Variants in ZBED6 observed in about 807,000 individuals in gnomAD.
ZBED6 encodes zinc finger BED domain-containing protein 6.
Under a neutral mutation model 58.4 loss-of-function variants are expected in ZBED6, and 40 were observed. The ratio of observed to expected loss-of-function variants is 0.68; its 90% CI spans 0.53 to 0.89. The LOEUF (loss-of-function observed/expected upper bound fraction) is 0.89, where lower values mean the gene tolerates loss of function less well. ZBED6 is among the 40% of genes least tolerant of loss of function. The pLI is 0.00. For missense variants in ZBED6, 1,057 were observed against 1,003.9 expected (o/e 1.05, Z -0.71); for synonymous variants, 439 against 350.6 (o/e 1.25, Z -2.82).
At chr1:203,849,575 C>T in intron 13 of ZBED6, 136 bp from the exon 14 acceptor site, 1 of 830,870 alleles carries the variant, frequency 1.2e-6, no homozygotes, top group Non-Finnish European at 2.0e-6. Flanking sequence ...GTCTATTTAA[C>T]ATCAAATAAA....
intron 1 of ZBED6, among the ~76,000 whole-genome samples, chr1:203,805,348 G>GTC (rs1671964031): frequency 6.6e-6 from 1 of 151,960 alleles, no homozygotes; most frequent in Non-Finnish European, 1.5e-5. Context: ...GGCCAGGCTG[G>GTC]TCTCGAACTT....
intron 3 of ZBED6, among the ~76,000 whole-genome samples, chr1:203,824,820 C>T (rs1679957430): frequency 6.6e-6 from 1 of 152,154 alleles, no homozygotes; most frequent in African/African-American, 2.4e-5. Context: ...TGGCTCACGC[C>T]TGTAATCCCA....
At chr1:203,841,142 C>CTT (rs1303978527) in intron 11 of ZBED6, among the ~76,000 whole-genome samples, 3 of 129,804 alleles carry the variant, frequency 2.3e-5, no homozygotes, top group African/African-American at 5.8e-5. Flanking sequence ...ACATAAGAAT[C>CTT]TTTTTTTTTT....
intron 3 of ZBED6, among the ~76,000 whole-genome samples, chr1:203,820,411 TA>T (rs1678164222): frequency 6.6e-6 from 1 of 151,708 alleles, no homozygotes; most frequent in Non-Finnish European, 1.5e-5. Flanking sequence ...GGTTTGTTTG[TA>T]TTCCCCCTCA....
intron 1 of ZBED6, among the ~76,000 whole-genome samples, chr1:203,810,659 T>A (rs1245031321): frequency 6.6e-6 from 1 of 152,046 alleles, no homozygotes; most frequent in Non-Finnish European, 1.5e-5. Flanking sequence ...GACCTCGTGA[T>A]CCACCCGCCT....
chr1:203,849,948 G>A (rs1199141883), exon 14 of ZBED6: 13 of 1,614,020 alleles, frequency 8.1e-6, no homozygotes, highest in East Asian at 2.2e-5. Flanking sequence ...CCAGAAGGTG[G>A]AGGTAGAAAC....
At chr1:203,798,637 T>C (rs1330859324) in exon 1 of ZBED6, 35 of 1,536,000 alleles carry the variant, frequency 2.3e-5, no homozygotes, top group Non-Finnish European at 3.0e-5. Context: ...GATGAACCTA[T>C]GTTAGAGGTT....
intron 1 of ZBED6, among the ~76,000 whole-genome samples, chr1:203,815,598 T>C (rs550020364): frequency 1.3e-5 from 2 of 152,242 alleles, no homozygotes; most frequent in African/African-American, 4.8e-5. Context: ...TATAATACAT[T>C]CTAGAAATGG....
chr1:203,819,230 T>A (rs1159209437), intron 3 of ZBED6, among the ~76,000 whole-genome samples: 10 of 150,838 alleles, frequency 6.6e-5, no homozygotes, highest in African/African-American at 1.7e-4. Context: ...CTTTTTATTT[T>A]TTTTTTTTTG....
chr1:203,849,729 G>A, exon 14 of ZBED6: 1 of 1,613,936 alleles, frequency 6.2e-7, no homozygotes. Context: ...TGAGACCACA[G>A]GAGTTGACAT....
chr1:203,807,499 A>G (rs1672773973), intron 1 of ZBED6, among the ~76,000 whole-genome samples: 1 of 151,374 alleles, frequency 6.6e-6, no homozygotes, highest in Non-Finnish European at 1.5e-5. Context: ...TATATGTGAC[A>G]CAAAGTTTTG....
exon 17 of ZBED6, chr1:203,852,758 T>C: frequency 7.1e-6 from 2 of 280,094 alleles, no homozygotes; most frequent in Non-Finnish European, 1.4e-5. Flanking sequence ...TTTGTTGTAT[T>C]CTTTATGTAT....
At chr1:203,819,543 T>TC (rs1677737242) in intron 3 of ZBED6, among the ~76,000 whole-genome samples, 1 of 136,960 alleles carries the variant, frequency 7.3e-6, no homozygotes, top group East Asian at 2.2e-4. Context: ...TTTTTTTTTT[T>TC]TTTTTTTTGA....
intron 11 of ZBED6, among the ~76,000 whole-genome samples, chr1:203,841,298 T>C (rs1312950316): frequency 2.0e-5 from 3 of 152,132 alleles, no homozygotes; most frequent in Non-Finnish European, 2.9e-5. Flanking sequence ...CAGAGGACCC[T>C]GCGGCCTTCT....
exon 1 of ZBED6, chr1:203,796,243 A>C (rs529592692): frequency 5.1e-6 from 2 of 394,604 alleles, no homozygotes; most frequent in Non-Finnish European, 8.9e-6. Context: ...GCCTAAATCA[A>C]TCAGACTGAG....
intron 11 of ZBED6, among the ~76,000 whole-genome samples, chr1:203,846,228 C>G (rs1687882252): frequency 6.7e-6 from 1 of 148,456 alleles, no homozygotes; most frequent in Admixed American, 6.7e-5. Flanking sequence ...TCCAAATTAT[C>G]ATTTATTTCA....
At chr1:203,850,377 A>G in intron 14 of ZBED6, 138 bp from the exon 15 acceptor site, 1 of 1,337,950 alleles carries the variant, frequency 7.5e-7, no homozygotes, top group Non-Finnish European at 1.1e-6. Context: ...TTGCCTTTGA[A>G]TCGTTTTCAG....
chr1:203,852,260 C>G lies in ZBED6; in HGVS notation c.*4993C>G, dbSNP rs1295647467. ...CTCAGCTCTGCCTCAACAGGAAAGCCCCCACTCTCTGTGGAGGATGATTTT... is the reference window on the plus strand; with the variant it reads ...CTCAGCTCTGCCTCAACAGGAAAGCGCCCACTCTCTGTGGAGGATGATTTT... On this transcript the variant is annotated 3_prime_UTR_variant, in exon 17 of 17. Transcript: ENST00000550078. 7 of 1,613,532 alleles carry G rather than the reference C, an allele frequency of 4.3e-6. No individual in the cohort carries two copies. In the African/African-American group the frequency reaches 5.3e-5, roughly 12 times the overall value.
intron 11 of ZBED6, among the ~76,000 whole-genome samples, chr1:203,845,958 GA>G (rs1355065954): frequency 6.6e-6 from 1 of 151,710 alleles, no homozygotes. Context: ...CAGGAGTTTG[GA>G]AAGTGAGACA....
Sources: allele counts gnomAD v4.1 joint callset (sites outside exome capture counted in the v4.1 genomes callset), GRCh38; gene constraint gnomAD v4.1.1; transcripts MANE v1.5; gene names NCBI Gene and HGNC (gene_info 2026-07-23, HGNC 2026-07-21).